CMIP: variants seen among roughly 807,000 people sequenced by gnomAD.
The protein encoded by CMIP is c-Maf inducing protein.
CMIP carries 13 observed loss-of-function variants against 97.3 expected under a neutral mutation model. The ratio of observed to expected loss-of-function variants is 0.13; its 90% CI spans 0.09 to 0.21. The LOEUF (loss-of-function observed/expected upper bound fraction) is 0.21, where lower values mean the gene tolerates loss of function less well. Among genes scored for constraint, CMIP ranks in the 10% least tolerant of loss-of-function variants. CMIP has a pLI of 1.00. For missense variants in CMIP, 847 were observed against 1,024.9 expected (o/e 0.83, Z 2.37); for synonymous variants, 538 against 436.3 (o/e 1.23, Z -2.91).
At chr16:81,638,684 A>G (rs1455553515) in intron 3 of CMIP, among the ~76,000 whole-genome samples, 1 of 151,540 alleles carries the variant, frequency 6.6e-6, no homozygotes, top group Non-Finnish European at 1.5e-5. Context: ...CCCTCTTTCT[A>G]TAGCCTGTTC....
intron 1 of CMIP, among the ~76,000 whole-genome samples, chr16:81,549,753 C>T (rs776108603): frequency 6.6e-6 from 1 of 152,236 alleles, no homozygotes; most frequent in Non-Finnish European, 1.5e-5. Context: ...GGCCTGGGTG[C>T]CCCAGCAGGG....
chr16:81,570,552 A>G (rs1035006015), intron 1 of CMIP, among the ~76,000 whole-genome samples: 2 of 152,046 alleles, frequency 1.3e-5, no homozygotes, highest in African/African-American at 4.8e-5. Context: ...AACGCCAGGG[A>G]GCCCCACCCT....
chr16:81,491,796 T>C (rs905839948), intron 1 of CMIP, among the ~76,000 whole-genome samples: 3 of 152,236 alleles, frequency 2.0e-5, no homozygotes, highest in Non-Finnish European at 4.4e-5. Context: ...TTTCCACTTA[T>C]TCCTCTTGGT....
At chr16:81,531,208 G>GAC (rs1567562554) in intron 1 of CMIP, among the ~76,000 whole-genome samples, 1 of 152,160 alleles carries the variant, frequency 6.6e-6, no homozygotes, top group Non-Finnish European at 1.5e-5. Context: ...GACACAGAGA[G>GAC]ACACACAGGG....
chr16:81,531,888 A>G (rs1567562921), intron 1 of CMIP, among the ~76,000 whole-genome samples: 1 of 152,184 alleles, frequency 6.6e-6, no homozygotes, highest in Non-Finnish European at 1.5e-5. Context: ...CTCCATTGCT[A>G]TTTGTATTTA....
At chr16:81,698,567 C>G (rs1270375722) in intron 14 of CMIP, among the ~76,000 whole-genome samples, 1 of 152,204 alleles carries the variant, frequency 6.6e-6, no homozygotes, top group Non-Finnish European at 1.5e-5. Flanking sequence ...TGTCAGCAGA[C>G]TCCCGAGGGG....
chr16:81,490,835 G>C lies in CMIP; in HGVS notation c.300+45294G>C, dbSNP rs551677380. ...GGAGAGCAAATGCACAGGCCCCAAG[G>C]AGGACACGGAGGCATAGGGAGCACT... On this transcript the variant is annotated intron_variant, in intron 1 of 20. Coordinates refer to ENST00000537098, the MANE Select transcript of CMIP (RefSeq NM_198390.3). Among the ~76,000 whole-genome samples, 6 of 152,264 alleles carry C rather than the reference G, an allele frequency of 3.9e-5. No homozygotes were observed. In the East Asian group the frequency reaches 1.2e-3, roughly 29 times the overall value.
chr16:81,597,610 C>G (rs886935991), intron 1 of CMIP, among the ~76,000 whole-genome samples: 3 of 151,100 alleles, frequency 2.0e-5, no homozygotes, highest in Non-Finnish European at 4.4e-5. Flanking sequence ...GGGGGAGTCT[C>G]CCAGCCTGGA....
At chr16:81,475,838 T>C (rs904075588) in intron 1 of CMIP, among the ~76,000 whole-genome samples, 1 of 151,610 alleles carries the variant, frequency 6.6e-6, no homozygotes, top group Non-Finnish European at 1.5e-5. Context: ...ACAAACAAAA[T>C]TAGCTGGGTG....
At chr16:81,705,425 C>T in intron 18 of CMIP, 74 bp from the exon 19 acceptor site, 1 of 1,092,996 alleles carries the variant, frequency 9.1e-7, no homozygotes, top group South Asian at 1.5e-5. Context: ...CCCTTTCCTC[C>T]ACCTCTGCCC....
chr16:81,653,111 T>C (rs2092446863), intron 4 of CMIP, among the ~76,000 whole-genome samples: 1 of 152,222 alleles, frequency 6.6e-6, no homozygotes, highest in Admixed American at 6.5e-5. Flanking sequence ...TTCTAGGCGC[T>C]TTACAAATAT....
intron 1 of CMIP, among the ~76,000 whole-genome samples, chr16:81,486,905 C>T (rs1385810021): frequency 6.6e-6 from 1 of 152,262 alleles, no homozygotes. Context: ...TGACCTCAGG[C>T]ATCGCACATT....
Position 81,711,208 on chromosome 16 carries a change from GT to G in CMIP, c.*1411del, listed in dbSNP as rs1202495299. The G allele has an allele frequency of 6.6e-6, 1 of 152,026 alleles. No homozygotes were observed. Among genetic ancestry groups the G allele is most frequent in the Non-Finnish European group, 1.5e-5 (1 of 67,960 alleles). 9.4% of individuals were successfully genotyped at this position (152,026 alleles called of 1,614,324 possible). ...CCCTCTCCCCCCAGCCCTTTTTTCTGTTGGTTTAGCACAAATACTTCCCTCC... is the reference window on the plus strand; with the variant it reads ...CCCTCTCCCCCCAGCCCTTTTTTCTGTGGTTTAGCACAAATACTTCCCTCC... On this transcript the variant is annotated 3_prime_UTR_variant, in exon 21 of 21. Coordinates refer to ENST00000537098, the MANE Select transcript of CMIP (RefSeq NM_198390.3).
At chr16:81,481,910 A>C (rs2089230205) in intron 1 of CMIP, among the ~76,000 whole-genome samples, 4 of 133,626 alleles carry the variant, frequency 3.0e-5, no homozygotes, top group East Asian at 2.1e-4. Flanking sequence ...AGGGGGTCTC[A>C]CTCTGTCACC....
At chr16:81,705,347 G>T (rs1384706082) in intron 18 of CMIP, among the ~76,000 whole-genome samples, 152 bp from the exon 19 acceptor site, 2 of 152,234 alleles carry the variant, frequency 1.3e-5, no homozygotes, top group Non-Finnish European at 2.9e-5. Context: ...TTGTTTAGGG[G>T]ACGTGAACGC....
chr16:81,463,934 C>G (rs1907044160), intron 1 of CMIP: 1 of 152,282 alleles, frequency 6.6e-6, no homozygotes. Flanking sequence ...GACAACAAGG[C>G]AGGCCTTGGA....
intron 1 of CMIP, among the ~76,000 whole-genome samples, chr16:81,514,344 G>A (rs2089870188): frequency 6.6e-6 from 1 of 152,202 alleles, no homozygotes; most frequent in South Asian, 2.1e-4. Context: ...GAAGCTTCCA[G>A]AAGTGGCATG....
intron 1 of CMIP, among the ~76,000 whole-genome samples, chr16:81,471,136 C>T (rs1295752790): frequency 6.6e-6 from 1 of 152,182 alleles, no homozygotes; most frequent in Non-Finnish European, 1.5e-5. Flanking sequence ...TACACATATA[C>T]ATGCATACAT....
Position 81,445,526 on chromosome 16 carries a change from C to T in CMIP, c.285C>T (p.Ser95=). The T allele has an allele frequency of 6.5e-7, 1 of 1,548,532 alleles. No homozygotes were observed. The highest frequency in any genetic ancestry group is 8.7e-7 in the Non-Finnish European group (1 of 1,146,712). ...EPHHLTLADN[S]LASATPTGYM... is the part of the protein sequence containing the mutation. ...ACCACCTAACGCTGGCCGACAACAG[C>T]CTGGCGTCCGCCACGGTGAGTGGCT... Residue 95 remains serine, a synonymous_variant, in exon 1 of 21, where the codon AGC becomes AGT. Coordinates refer to ENST00000537098, the MANE Select transcript of CMIP (RefSeq NM_198390.3).
Sources: allele counts gnomAD v4.1 joint callset (sites outside exome capture counted in the v4.1 genomes callset), GRCh38; gene constraint gnomAD v4.1.1; transcripts MANE v1.5; gene names NCBI Gene and HGNC (gene_info 2026-07-23, HGNC 2026-07-21).